SEMA6D: variants seen among roughly 807,000 people sequenced by gnomAD.
SEMA6D encodes semaphorin 6D, also known as semaphorin-6D.
SEMA6D carries 35 observed loss-of-function variants against 106.6 expected under a neutral mutation model. The ratio of observed to expected loss-of-function variants is 0.33; its 90% CI spans 0.25 to 0.44. The LOEUF is 0.44. Among genes scored for constraint, SEMA6D ranks in the 20% least tolerant of loss-of-function variants. SEMA6D has a pLI of 1.00. For missense variants in SEMA6D, 1,185 were observed against 1,345.9 expected, an observed-to-expected ratio of 0.88 and a Z score of 1.87; for synonymous variants, 499 against 487.7, an observed-to-expected ratio of 1.02 and a Z score of -0.31.
At chr15:47,518,580 C>T (rs981401271) in intron 3 of SEMA6D, among the ~76,000 whole-genome samples, 4 of 152,020 alleles carry the variant, frequency 2.6e-5, no homozygotes, top group Admixed American at 6.5e-5. Context: ...TTTAGAACAA[C>T]GGTAAGTATT....
At chr15:47,297,967 T>C (rs2035870097) in intron 1 of SEMA6D, among the ~76,000 whole-genome samples, 1 of 152,026 alleles carries the variant, frequency 6.6e-6, no homozygotes, top group African/African-American at 2.4e-5. Flanking sequence ...GTGGATGAGT[T>C]TGGAGATGTG....
In SEMA6D at chr15:47,562,844, G is replaced by T. The variant is rs2046119312; in HGVS notation, c.-86-38021G>T. 3.3e-5 allele frequency among the ~76,000 whole-genome samples: 5 copies of T among 152,040 alleles called. 1 individual carries two copies. The South Asian group carries it at 1.0e-3, about 31-fold the overall frequency. Reference sequence around the variant, plus strand: ...TGTAAATTCAGTAATCTACCTAAGAGAAATATTAAAACATATATCCAAACA... The same window carrying T: ...TGTAAATTCAGTAATCTACCTAAGATAAATATTAAAACATATATCCAAACA... On this transcript the variant is annotated intron_variant, in intron 3 of 19. Transcript: ENST00000558014.
intron 1 of SEMA6D, among the ~76,000 whole-genome samples, chr15:47,312,221 C>T (rs1396303518): frequency 1.3e-5 from 2 of 150,816 alleles, no homozygotes; most frequent in African/African-American, 4.9e-5. Context: ...AGCGATAGCT[C>T]CTTCTGTCTT....
intron 2 of SEMA6D, among the ~76,000 whole-genome samples, chr15:47,414,136 G>A (rs1393663255): frequency 6.6e-6 from 1 of 152,110 alleles, no homozygotes; most frequent in Non-Finnish European, 1.5e-5. Context: ...TGGAAGTGAT[G>A]ATATAACTTC....
chr15:47,737,993 A>C (rs2080548584), intron 1 of SEMA6D, among the ~76,000 whole-genome samples: 1 of 152,052 alleles, frequency 6.6e-6, no homozygotes, highest in South Asian at 2.1e-4. Flanking sequence ...CTCCTTCGTA[A>C]CAATTTGCAT....
At chr15:47,596,411 T>G (rs1898109) in intron 3 of SEMA6D, among the ~76,000 whole-genome samples, 245 of 152,246 alleles carry the variant, frequency 1.6e-3, no homozygotes, top group African/African-American at 5.5e-3. Flanking sequence ...ATGCCATTTA[T>G]TCACAGAAAT....
chr15:47,721,679 G>A (rs534844394), intron 1 of SEMA6D, among the ~76,000 whole-genome samples: 7 of 152,214 alleles, frequency 4.6e-5, no homozygotes, highest in South Asian at 2.1e-4. Flanking sequence ...ACTACTAGAC[G>A]TTCTTACTTT....
chr15:47,345,019 A>T (rs1211503809), intron 1 of SEMA6D, among the ~76,000 whole-genome samples: 1 of 152,148 alleles, frequency 6.6e-6, no homozygotes, highest in East Asian at 1.9e-4. Context: ...AACCCTGAAA[A>T]CTAGATTTCA....
rs117478903 is a variant in SEMA6D, at chr15:47,461,810, G to A, written c.-158-8664G>A. ...GGATAAATTCATAAGATTAGAACTT[G>A]AAGGGCAAATTTGTAAAATGTGTGA... On this transcript the variant is annotated intron_variant, in intron 2 of 19. Transcript: ENST00000558014. Among the ~76,000 whole-genome samples, 1,285 of 152,062 alleles carry A rather than the reference G, an allele frequency of 8.5e-3. 11 individuals carry two copies. The highest frequency in any genetic ancestry group is 0.013 in the Non-Finnish European group (913 of 67,978).
chr15:47,273,654 C>A (rs1287562379), intron 1 of SEMA6D, among the ~76,000 whole-genome samples: 1 of 152,106 alleles, frequency 6.6e-6, no homozygotes, highest in African/African-American at 2.4e-5. Flanking sequence ...ACTTAGCAAC[C>A]TTTTCTGTGT....
chr15:47,338,752 G>T (rs1595763809), intron 1 of SEMA6D, among the ~76,000 whole-genome samples: 1 of 152,136 alleles, frequency 6.6e-6, no homozygotes, highest in Non-Finnish European at 1.5e-5. Context: ...GTGATGTTAT[G>T]ATAGATATAT....
chr15:47,656,633 G>C (rs2077800710), intron 4 of SEMA6D, among the ~76,000 whole-genome samples: 1 of 152,176 alleles, frequency 6.6e-6, no homozygotes, highest in African/African-American at 2.4e-5. Flanking sequence ...GAATGGCTAG[G>C]CTTCTAGGAA....
At chr15:47,701,783 T>G (rs2078817976) in intron 4 of SEMA6D, among the ~76,000 whole-genome samples, 1 of 152,184 alleles carries the variant, frequency 6.6e-6, no homozygotes, top group Non-Finnish European at 1.5e-5. Context: ...TCCCCTTCCA[T>G]GGCTAATGGT....
At chr15:47,563,880 C>G (rs1374634575) in intron 3 of SEMA6D, among the ~76,000 whole-genome samples, 1 of 152,200 alleles carries the variant, frequency 6.6e-6, no homozygotes, top group Non-Finnish European at 1.5e-5. Flanking sequence ...GGCCAATGTC[C>G]TGTGGCAAAA....
At chr15:47,705,885 T>C (rs888974580) in intron 4 of SEMA6D, among the ~76,000 whole-genome samples, 1 of 152,206 alleles carries the variant, frequency 6.6e-6, no homozygotes, top group Non-Finnish European at 1.5e-5. Flanking sequence ...ATAGCCACAC[T>C]CCTATGGCTT....
intron 4 of SEMA6D, among the ~76,000 whole-genome samples, chr15:47,665,779 C>T (rs2078013964): frequency 6.6e-6 from 1 of 152,190 alleles, no homozygotes; most frequent in Admixed American, 6.5e-5. Flanking sequence ...CACTGCACTC[C>T]AGCCTGGGCG....
chr15:47,715,005 C>T (rs1022500276), upstream of SEMA6D, among the ~76,000 whole-genome samples: 4 of 152,094 alleles, frequency 2.6e-5, no homozygotes, highest in African/African-American at 4.8e-5. Context: ...TACTTAATTA[C>T]GTAAGTGAAC....
intron 1 of SEMA6D, among the ~76,000 whole-genome samples, chr15:47,309,729 G>A (rs549768016): frequency 6.6e-6 from 1 of 152,264 alleles, no homozygotes; most frequent in Admixed American, 6.5e-5. Flanking sequence ...AGCATGCTCA[G>A]AACACTTATA....
At chr15:47,646,636 G>A (rs1033571107) in intron 4 of SEMA6D, among the ~76,000 whole-genome samples, 5 of 152,070 alleles carry the variant, frequency 3.3e-5, no homozygotes, top group Admixed American at 1.3e-4. Context: ...GATTATAAAC[G>A]GAGCCATATT....
Sources: allele counts gnomAD v4.1 joint callset (sites outside exome capture counted in the v4.1 genomes callset), GRCh38; gene constraint gnomAD v4.1.1; transcripts MANE v1.5; gene names NCBI Gene and HGNC (gene_info 2026-07-23, HGNC 2026-07-21).